Variants in GOLGB1 observed in about 807,000 individuals in gnomAD.
GOLGB1 encodes the protein golgin subfamily B member 1.
A neutral mutation model predicts 336.9 loss-of-function variants in GOLGB1; 174 were observed. The ratio of observed to expected loss-of-function variants is 0.52; its 90% CI spans 0.46 to 0.59. The LOEUF (loss-of-function observed/expected upper bound fraction) is 0.59, where lower values mean the gene tolerates loss of function less well. Among genes scored for constraint, GOLGB1 ranks in the 20% least tolerant of loss-of-function variants. The pLI is 0.00. For synonymous variants in GOLGB1, 1,208 were observed against 1,289.2 expected, an observed-to-expected ratio of 0.94 and a Z score of 1.35; for missense variants, 3,331 against 3,645.3, an observed-to-expected ratio of 0.91 and a Z score of 2.22.
At chr3:121,675,881 T>C (rs1227763477) in intron 17 of GOLGB1, among the ~76,000 whole-genome samples, 1 of 152,208 alleles carries the variant, frequency 6.6e-6, no homozygotes, top group Non-Finnish European at 1.5e-5. Flanking sequence ...AGTCTAATGT[T>C]TGGAGAGCAA....
chr3:121,667,897 TGTTA>T (rs1317177689), intron 19 of GOLGB1, among the ~76,000 whole-genome samples, 160 bp downstream of exon 19: 8 of 152,350 alleles, frequency 5.3e-5, no homozygotes, highest in South Asian at 2.1e-4. Flanking sequence ...CACACACAAA[TGTTA>T]GTTATTATTG....
At chr3:121,688,659 G>T (rs1265340907) in intron 14 of GOLGB1, among the ~76,000 whole-genome samples, 2 of 151,818 alleles carry the variant, frequency 1.3e-5, no homozygotes, top group Non-Finnish European at 2.9e-5. Context: ...CGTCTGGGAC[G>T]TGAGGAGCCC....
At chr3:121,747,980 C>A (rs1947484324) in intron 1 of GOLGB1, among the ~76,000 whole-genome samples, 1 of 151,662 alleles carries the variant, frequency 6.6e-6, no homozygotes, top group Admixed American at 6.6e-5. Context: ...AGTAATTAAC[C>A]TAGAGAAATT....
Position 121,676,951 on chromosome 3 carries a change from T to C in GOLGB1, c.9119A>G (p.Asn3040Ser). The change falls in exon 17 of 22, where the codon AAT becomes AGT. Residue 3040 changes from asparagine to serine, a missense_variant. Physicochemically the swap from Asn to Ser is conservative, Grantham distance 46 (BLOSUM62 1). Transcript: ENST00000614479. ...YETELLRTQL[N>S]DSLKEIHQKE... is the part of the protein sequence containing the mutation. Reference sequence around the variant, plus strand: ...TTGGTGAATTTCCTTTAAGCTGTCATTGAGCTGGGTCCTGAGAAGTTCTGT... The same window carrying C: ...TTGGTGAATTTCCTTTAAGCTGTCACTGAGCTGGGTCCTGAGAAGTTCTGT... The C allele has an allele frequency of 6.2e-7, 1 of 1,613,706 alleles. No individual in the cohort carries two copies. Among genetic ancestry groups the C allele is most frequent in the South Asian group, 1.1e-5 (1 of 91,072 alleles).
At chr3:121,711,615 C>G (rs1056010563) in intron 10 of GOLGB1, among the ~76,000 whole-genome samples, 1 of 151,896 alleles carries the variant, frequency 6.6e-6, no homozygotes, top group African/African-American at 2.4e-5. Context: ...AGACTAAAAC[C>G]AATAAAATTA....
intron 10 of GOLGB1, among the ~76,000 whole-genome samples, chr3:121,711,282 TA>T (rs1012902762): frequency 2.7e-4 from 40 of 147,746 alleles, no homozygotes; most frequent in Admixed American, 1.0e-3. Flanking sequence ...CCTAGAAATA[TA>T]AAAAAAAAAT....
Position 121,676,906 on chromosome 3 carries a change from T to G in GOLGB1, c.9164A>C (p.Gln3055Pro). Residue 3055 changes from glutamine to proline, a missense_variant, in exon 17 of 22, where the codon CAA (glutamine) becomes CCA (proline). By Grantham distance (76) the Gln-to-Pro change is moderately conservative (BLOSUM62 -1). Coordinates refer to ENST00000614479, the MANE Select transcript of GOLGB1 (RefSeq NM_001366282.2). ...AGAAACACTTACGTTGCTGTTCAGT[T>G]GCTGAATTCTTAACTCCTTTTGGTG... ...EIHQKELRIQQLNSNFSQLLE... is the reference protein window; with the variant it reads ...EIHQKELRIQPLNSNFSQLLE... The G allele has an allele frequency of 6.2e-7, 1 of 1,613,888 alleles. No individual in the cohort carries two copies. Among genetic ancestry groups the G allele is most frequent in the Non-Finnish European group, 8.5e-7 (1 of 1,179,748 alleles).
rs957629658 is a variant in GOLGB1, at chr3:121,692,432, T to G, written c.6932A>C (p.Glu2311Ala). ...TRHLYHSSQNELAKLESELKS... is the reference protein window; with the variant it reads ...TRHLYHSSQNALAKLESELKS... ...AAGTTCTGATTCCAACTTAGCTAAT[T>G]CATTCTGAGAACTGTGGTATAGGTG... Residue 2311 changes from glutamate to alanine, a missense_variant, in exon 14 of 22, where the codon GAA becomes GCA. Transcript: ENST00000614479. 7.4e-6 allele frequency: 12 copies of G among 1,613,928 alleles called. No homozygotes were observed. Among genetic ancestry groups the G allele is most frequent in the Admixed American group, 1.7e-5 (1 of 59,964 alleles).
Position 121,730,908 on chromosome 3 carries a change from T to C in GOLGB1, c.64A>G (p.Thr22Ala), listed in dbSNP as rs371721700. ...AGGGGAGCCCTCATATTCTGATCAG[T>C]GTCATCATCTCCTGATAATTCATGC... ...VLHELSGDDD[T>A]DQNMRAPLDP... Residue 22 changes from threonine to alanine, a missense_variant, in exon 2 of 22, where the codon ACT becomes GCT. Physicochemically the swap from Thr to Ala is moderately conservative, Grantham distance 58 (BLOSUM62 0). Transcript: ENST00000614479. 2.5e-6 allele frequency: 4 copies of C among 1,610,644 alleles called. No homozygotes were observed. Among genetic ancestry groups the C allele is most frequent in the Non-Finnish European group, 3.4e-6 (4 of 1,176,996 alleles).
chr3:121,679,740 G>A (rs1350438064), intron 15 of GOLGB1, among the ~76,000 whole-genome samples: 2 of 152,180 alleles, frequency 1.3e-5, no homozygotes, highest in African/African-American at 4.8e-5. Flanking sequence ...CAGGTATGGA[G>A]CTTGGACTCT....
At chr3:121,676,326 C>T (rs1044973694) in intron 17 of GOLGB1, among the ~76,000 whole-genome samples, 2 of 152,202 alleles carry the variant, frequency 1.3e-5, no homozygotes, top group African/African-American at 4.8e-5. Context: ...TCACAGACCC[C>T]TTGGTCAACT....
At chr3:121,712,830 A>G (rs896907001) in intron 10 of GOLGB1, among the ~76,000 whole-genome samples, 3 of 152,360 alleles carry the variant, frequency 2.0e-5, no homozygotes, top group African/African-American at 7.2e-5. Context: ...AAGATGTGGA[A>G]CAAATGGAAC....
rs1944829624 is a variant in GOLGB1 at position 121,716,936 on chromosome 3, T to C, written c.1089A>G (p.Glu363=). ...CCAAAGCACTATACCGAGACTCTAG[T>C]TCAGCCTGGGCTTGGCCTGCTTGCT... ...QFEQAGQAQA[E]LESRYSALEQ... Residue 363 remains glutamate, a synonymous_variant, in exon 9 of 22, where the codon GAA becomes GAG. Coordinates refer to ENST00000614479, the MANE Select transcript of GOLGB1 (RefSeq NM_001366282.2). 1 of 1,614,026 alleles carries C rather than the reference T, an allele frequency of 6.2e-7. No individual in the cohort carries two copies. Among genetic ancestry groups the C allele is most frequent in the Non-Finnish European group, 8.5e-7 (1 of 1,179,890 alleles).
intron 17 of GOLGB1, among the ~76,000 whole-genome samples, chr3:121,676,493 C>G (rs1376818954): frequency 3.3e-5 from 5 of 152,144 alleles, no homozygotes; most frequent in Non-Finnish European, 5.9e-5. Context: ...TAGCTGAGTT[C>G]CTCTCAAGAG....
At chr3:121,748,683 T>G (rs576838180) in intron 1 of GOLGB1, 1 of 307,944 alleles carries the variant, frequency 3.2e-6, no homozygotes, top group East Asian at 1.7e-4. Context: ...CTGGCCCTTA[T>G]GTAAAGAGCC....
intron 1 of GOLGB1, 109 bp from the exon 2 acceptor site, chr3:121,731,082 G>C: frequency 9.1e-7 from 1 of 1,099,934 alleles, no homozygotes; most frequent in Non-Finnish European, 1.3e-6. Flanking sequence ...TACTGTACAG[G>C]TGATTTGTAT....
At chr3:121,744,112 C>T (rs957946896) in intron 1 of GOLGB1, among the ~76,000 whole-genome samples, 1 of 152,038 alleles carries the variant, frequency 6.6e-6, no homozygotes, top group Non-Finnish European at 1.5e-5. Flanking sequence ...GGAACACATA[C>T]ACATGAACAC....
At chr3:121,721,666 A>AAAT (rs1945210669) in intron 6 of GOLGB1, among the ~76,000 whole-genome samples, 1 of 152,086 alleles carries the variant, frequency 6.6e-6, no homozygotes, top group Non-Finnish European at 1.5e-5. Flanking sequence ...GTGGCCAACC[A>AAAT]AGAAACCTAG....
rs1942970208 is a variant in GOLGB1 at position 121,696,609 on chromosome 3, C to A, written c.3914G>T (p.Gly1305Val). 1 of 1,614,154 alleles carries A rather than the reference C, an allele frequency of 6.2e-7. No homozygotes were observed. The change falls in exon 13 of 22, where the codon GGC becomes GTC. Residue 1305 changes from glycine (G) to valine (V), a missense_variant. Physicochemically the swap from Gly to Val is moderately radical, Grantham distance 109. Transcript: ENST00000614479. The stretch of plus-strand genomic sequence containing the variant: ...CTTAATCTGGGCAACAGAAGTTCCG[C>A]CCTGCAGAGCACTCGCATCTTCAGA... ...SHSEDASALQ[G>V]GTSVAQIKAQ...
Sources: allele counts gnomAD v4.1 joint callset (sites outside exome capture counted in the v4.1 genomes callset), GRCh38; gene constraint gnomAD v4.1.1; transcripts MANE v1.5; gene names NCBI Gene and HGNC (gene_info 2026-07-23, HGNC 2026-07-21).